MYH14: variants seen among roughly 807,000 people sequenced by gnomAD.
The protein encoded by MYH14 is myosin-14.
A neutral mutation model predicts 255.5 loss-of-function variants in MYH14; 123 were observed. That is an observed-to-expected ratio of 0.48 (90% confidence interval 0.42 to 0.56). MYH14 has a LOEUF of 0.56. Among genes scored for constraint, MYH14 ranks in the 20% least tolerant of loss-of-function variants. The probability of loss-of-function intolerance (pLI) is 0.00; values close to 1 mark genes in which losing one functional copy is unlikely to be tolerated. For missense variants in MYH14, 2,423 were observed against 2,802.3 expected (o/e 0.86, Z 3.06); for synonymous variants, 1,095 against 1,161.2 (o/e 0.94, Z 1.16).
intron 1 of MYH14, among the ~76,000 whole-genome samples, chr19:50,206,206 A>G (rs2031739555): frequency 6.7e-6 from 1 of 148,258 alleles, no homozygotes; most frequent in Non-Finnish European, 1.5e-5. Flanking sequence ...TTCCCAATCC[A>G]TAGGAGGAGG....
chr19:50,301,123 G>A (rs1279817349), intron 39 of MYH14, among the ~76,000 whole-genome samples: 1 of 152,182 alleles, frequency 6.6e-6, no homozygotes, highest in Non-Finnish European at 1.5e-5. Flanking sequence ...TATTAGGGGT[G>A]TGTTTACACA....
At chr19:50,224,045 T>TCCCCCCCCCCCCCCCCCCCCCCCCCA in intron 5 of MYH14, 109 bp from the exon 6 acceptor site, 1 of 316,168 alleles carries the variant, frequency 3.2e-6, no homozygotes, top group Non-Finnish European at 5.3e-6. Flanking sequence ...CCAGTCCCCC[T>TCCCCCCCCCCCCCCCCCCCCCCCCCA]TCCCCCACCC....
intron 11 of MYH14, among the ~76,000 whole-genome samples, chr19:50,244,653 G>A (rs896137270): frequency 6.6e-6 from 1 of 151,662 alleles, no homozygotes; most frequent in Non-Finnish European, 1.5e-5. Context: ...CCGGCTAATT[G>A]TTTGTATTTT....
At position 50,230,911 on chromosome 19, in the gene MYH14, C is replaced by G. The variant is rs2033349015; in HGVS notation, c.973+288C>G. 1.4e-5 allele frequency: 6 copies of G among 431,814 alleles called. 1 individual carries two copies. In the South Asian group the frequency reaches 1.8e-4, roughly 13 times the overall value. 26.7% of individuals were successfully genotyped at this position (431,814 alleles called of 1,614,324 possible). A position where few individuals can be genotyped will look rare whatever the true frequency, so the allele number is the denominator to read the frequency against. ...CTCCTGCTCACGCTCGCTTCCGAAG[C>G]TCCGTGGCTTCTCTCTCGCGCGGCT... On this transcript the variant is annotated intron_variant, in intron 9 of 42. Transcript: ENST00000642316. This position sits in a 1 kb window ranked among gnomAD's most constrained non-coding sequence, Gnocchi z 4.7.
chr19:50,270,226 A>G (rs1349615362), intron 24 of MYH14, among the ~76,000 whole-genome samples: 4 of 152,160 alleles, frequency 2.6e-5, no homozygotes, highest in Non-Finnish European at 4.4e-5. Flanking sequence ...TTTCTCAAAC[A>G]GAATAAAATA....
At position 50,257,343 on chromosome 19, in the gene MYH14, G is replaced by A. The variant is rs778416774; in HGVS notation, c.2089G>A (p.Gly697Ser). The change falls in exon 18 of 43, where the codon GGC becomes AGC. Residue 697 changes from glycine to serine, a missense_variant. By Grantham distance (56) the Gly-to-Ser change is moderately conservative. Coordinates refer to ENST00000642316, the MANE Select transcript of MYH14 (RefSeq NM_001145809.2). Reference protein sequence around the residue: ...GLEQVSSLGDGPPGGRPRRGM... With the variant: ...GLEQVSSLGDSPPGGRPRRGM... ...GGAACAGGTGAGCAGCCTGGGCGACGGCCCACCAGGTGGCCGCCCCCGTCG... is the reference window on the plus strand; with the variant it reads ...GGAACAGGTGAGCAGCCTGGGCGACAGCCCACCAGGTGGCCGCCCCCGTCG... 5.0e-5 allele frequency: 80 copies of A among 1,609,352 alleles called. No individual in the cohort carries two copies. The East Asian group carries it at 1.7e-3, about 34-fold the overall frequency.
Position 50,230,682 on chromosome 19 carries a change from G to A in MYH14, c.973+59G>A, listed in dbSNP as rs1266030850. On this transcript the variant is annotated intron_variant, in intron 9 of 42. Transcript: ENST00000642316. The surrounding 1 kb of genome is among the most constrained non-coding windows in gnomAD (Gnocchi z 4.7). ...GGAGAGGGTGGGCACCATGTCTCTC[G>A]GGGGCCCCTTCTGGGGAGGAAGCAA... is the stretch of plus-strand genomic sequence containing the variant. 13 of 1,469,088 alleles carry A rather than the reference G, an allele frequency of 8.8e-6. No homozygotes were observed. Among genetic ancestry groups the A allele is most frequent in the East Asian group, 2.5e-5 (1 of 40,382 alleles). 91.0% of individuals were successfully genotyped at this position (1,469,088 alleles called of 1,614,324 possible).
Position 50,291,878 on chromosome 19 carries a change from GAAATA to G in MYH14, c.5128-375_5128-371del, listed in dbSNP as rs372426691. On this transcript the variant is annotated intron_variant, in intron 36 of 42. Transcript: ENST00000642316. ...AGACTGTCTCAAAAAAGTAAAGATA[GAAATA>G]AAATAAATAAATCAACAGTAGGCAA... Among the ~76,000 whole-genome samples, 34 of 152,230 alleles carry G rather than the reference GAAATA, an allele frequency of 2.2e-4. No individual in the cohort carries two copies. In the East Asian group the frequency reaches 5.8e-3, roughly 26 times the overall value.
rs763817640 is a variant in MYH14 at position 50,257,430 on chromosome 19, C to G, written c.2176C>G (p.Leu726Val). The change falls in exon 18 of 43, where the codon CTC becomes GTC. Residue 726 changes from leucine (L) to valine (V), a missense_variant. By Grantham distance (32) the Leu-to-Val change is conservative. Transcript: ENST00000642316. ...GTCCCTGAGCCGCCTCATGGCCACA[C>G]TCAGCAACACCAACCCCAGTTTTGT... The part of the protein sequence containing the change: ...KESLSRLMAT[L>V]SNTNPSFVRC... The G allele has an allele frequency of 6.2e-7, 1 of 1,608,398 alleles. No individual in the cohort carries two copies. Among genetic ancestry groups the G allele is most frequent in the East Asian group, 2.2e-5 (1 of 44,714 alleles).
chr19:50,271,252 A>G (rs1021806162), intron 24 of MYH14, among the ~76,000 whole-genome samples, 157 bp from the exon 25 acceptor site: 2 of 152,144 alleles, frequency 1.3e-5, no homozygotes, highest in Non-Finnish European at 2.9e-5. Context: ...GGGAAAGCCA[A>G]TAAGAGTTTG....
intron 21 of MYH14, 57 bp from the exon 22 acceptor site, chr19:50,263,255 C>A: frequency 8.8e-7 from 1 of 1,134,466 alleles, no homozygotes; most frequent in South Asian, 1.8e-5. Context: ...GGCTCTCTTG[C>A]TAAGGGGATG....
At chr19:50,224,038 GTCCCCCTTCCCCCAC>G in intron 5 of MYH14, 101 bp from the exon 6 acceptor site, 1 of 355,472 alleles carries the variant, frequency 2.8e-6, no homozygotes, top group African/African-American at 4.0e-5. Context: ...GGTTTCCCCA[GTCCCCCTTCCCCCAC>G]CCCCCATGCC....
chr19:50,265,481 C>T (rs965686684), intron 22 of MYH14, among the ~76,000 whole-genome samples: 12 of 152,084 alleles, frequency 7.9e-5, no homozygotes, highest in Non-Finnish European at 1.5e-4. Flanking sequence ...CACTGCACTA[C>T]AGCTTGGGTG....
At chr19:50,251,963 A>C (rs1330425751) in intron 15 of MYH14, among the ~76,000 whole-genome samples, 1 of 152,056 alleles carries the variant, frequency 6.6e-6, no homozygotes, top group Non-Finnish European at 1.5e-5. Flanking sequence ...GGTTTTGATG[A>C]TGTGGACCAG....
intron 34 of MYH14, among the ~76,000 whole-genome samples, chr19:50,287,372 GA>G (rs2035926825): frequency 6.6e-6 from 1 of 152,206 alleles, no homozygotes; most frequent in African/African-American, 2.4e-5. Flanking sequence ...GTGTACACGG[GA>G]TGTAAGGAGA....
intron 2 of MYH14, among the ~76,000 whole-genome samples, chr19:50,214,805 G>A (rs533151122): frequency 1.6e-4 from 24 of 152,116 alleles, no homozygotes; most frequent in African/African-American, 5.3e-4. Context: ...AAAAAATTCC[G>A]AGTTAGCCTA....
chr19:50,280,364 T>G lies in MYH14; in HGVS notation c.4271T>G (p.Leu1424Arg). 6.5e-7 allele frequency: 1 copy of G among 1,544,328 alleles called. No homozygotes were observed. Among genetic ancestry groups the G allele is most frequent in the Non-Finnish European group, 8.7e-7 (1 of 1,143,286 alleles). Residue 1424 changes from leucine (L) to arginine (R), a missense_variant, in exon 32 of 43, where the codon CTG becomes CGG. Transcript: ENST00000642316. This position sits in a 1 kb window ranked among gnomAD's most constrained non-coding sequence, Gnocchi z 4.8. The stretch of plus-strand genomic sequence containing the variant: ...GCCAGGGAACGGGCGGGCCGTGAAC[T>G]GCAGACTGCCCAGGCCCAGGTGAGC... ...AAARERAGRE[L>R]QTAQAQLSEW... is the part of the protein sequence containing the mutation.
At position 50,250,614 on chromosome 19, in the gene MYH14, G is replaced by A. The variant is rs940901423; in HGVS notation, c.1756G>A (p.Gly586Ser). The A allele has an allele frequency of 9.3e-6, 15 of 1,613,872 alleles. 1 individual carries two copies. Among genetic ancestry groups the A allele is most frequent in the South Asian group, 3.3e-5 (3 of 91,094 alleles). ...FVEKVAQEQG[G>S]HPKFQRPRHL... Reference sequence around the variant, plus strand: ...GGAGAAGGTAGCCCAGGAGCAGGGCGGCCACCCCAAGTTCCAGCGGCCGAG... The same window carrying A: ...GGAGAAGGTAGCCCAGGAGCAGGGCAGCCACCCCAAGTTCCAGCGGCCGAG... The change falls in exon 15 of 43, where the codon GGC becomes AGC. Residue 586 changes from glycine to serine, a missense_variant. Physicochemically the swap from Gly to Ser is moderately conservative, Grantham distance 56. Around this residue, in one of 3 missense-constraint regions of MYH14, gnomAD observed 672 missense variants for 881.8 expected, o/e 0.76. Transcript: ENST00000642316. This position sits in a 1 kb window ranked among gnomAD's most constrained non-coding sequence, Gnocchi z 5.4.
chr19:50,210,317 G>A (rs951797733), intron 1 of MYH14, 46 bp from the exon 2 acceptor site: 13 of 1,507,944 alleles, frequency 8.6e-6, no homozygotes, highest in Middle Eastern at 1.7e-4. Context: ...GAGGCCCGGG[G>A]GACGGAGCCC....
Sources: gnomAD v4.1 joint callset for allele counts (sites outside exome capture counted in the v4.1 genomes callset) on GRCh38, gnomAD v4.1.1 for gene constraint, gnomAD v4.1.1 regional missense constraint, Gnocchi (gnomAD v3.1) non-coding constraint, MANE v1.5 for transcripts, NCBI Gene and HGNC (gene_info 2026-07-23, HGNC 2026-07-21) for gene names.